The following BBS1 variants were observed in gnomAD, a reference collection of about 807,000 sequenced individuals.
The protein encoded by BBS1 is BBSome complex member BBS1.
In BBS1, 60 loss-of-function variants were observed where a neutral mutation model predicts 73.9. That is an observed-to-expected ratio of 0.81 (90% confidence interval 0.66 to 1.01). BBS1 has a LOEUF of 1.01. Among genes scored for constraint, BBS1 ranks in the 50% least tolerant of loss-of-function variants. The probability of loss-of-function intolerance (pLI) is 0.00; values close to 1 mark genes in which losing one functional copy is unlikely to be tolerated. For missense variants in BBS1, 718 were observed against 770.3 expected (o/e 0.93, Z 0.80); for synonymous variants, 283 against 317.4 (o/e 0.89, Z 1.15).
At position 66,515,896 on chromosome 11, in the gene BBS1, T is replaced by C. The variant is rs148207682; in HGVS notation, c.554T>C (p.Phe185Ser). 2 of 1,614,184 alleles carry C rather than the reference T, an allele frequency of 1.2e-6. No individual in the cohort carries two copies. The highest frequency in any genetic ancestry group is 1.7e-6 in the Non-Finnish European group (2 of 1,180,044). ...CTGGAGCTAAGTGAAATGGAGGCAT[T>C]TGTAAACCAACACAAGTCCAACTCC... ...LQLELSEMEA[F>S]VNQHKSNSIK... Residue 185 changes from phenylalanine to serine, a missense_variant, in exon 7 of 17, where the codon TTT becomes TCT. Physicochemically the swap from Phe to Ser is radical, Grantham distance 155 (BLOSUM62 -2). Coordinates refer to ENST00000318312, the MANE Select transcript of BBS1 (RefSeq NM_024649.5).
chr11:66,526,605 A>G (rs756782880), intron 12 of BBS1, 44 bp from the exon 13 acceptor site: 1 of 1,613,222 alleles, frequency 6.2e-7, no homozygotes, highest in Non-Finnish European at 8.5e-7. Flanking sequence ...GAATGTGGGT[A>G]GAACTGGGGA....
intron 8 of BBS1, 95 bp downstream of exon 8, chr11:66,519,843 T>C: frequency 6.6e-7 from 1 of 1,509,658 alleles, no homozygotes; most frequent in Non-Finnish European, 9.0e-7. Context: ...ATATGTTCCT[T>C]GTAGAAAAAT....
intron 9 of BBS1, chr11:66,521,633 C>A: frequency 2.1e-6 from 1 of 469,550 alleles, no homozygotes; most frequent in Non-Finnish European, 3.9e-6. Flanking sequence ...AGGCTGGGCG[C>A]TGTGGCTCAC....
At position 66,511,035 on chromosome 11, in the gene BBS1, T is replaced by C. The variant is rs747891096; in HGVS notation, c.70T>C (p.Leu24=). The change falls in exon 2 of 17, where the codon TTG becomes CTG. Residue 24 remains leucine (L), a synonymous_variant. Transcript: ENST00000318312. ...AESNEANSKW[L]DAHYDPMANI... Reference sequence around the variant, plus strand: ...CAGCAATGAGGCCAATTCGAAGTGGTTGGATGCGCACTACGACCCAATGGC... The same window carrying C: ...CAGCAATGAGGCCAATTCGAAGTGGCTGGATGCGCACTACGACCCAATGGC... The C allele has an allele frequency of 3.1e-6, 5 of 1,614,004 alleles. No homozygotes were observed. The highest frequency in any genetic ancestry group is 4.2e-6 in the Non-Finnish European group (5 of 1,180,034).
chr11:66,529,874 C>T lies in BBS1; in HGVS notation c.1395C>T (p.Arg465=), dbSNP rs756550025. The change falls in exon 14 of 17, where the codon CGC becomes CGT. Residue 465 remains arginine, a synonymous_variant. Coordinates refer to ENST00000318312, the MANE Select transcript of BBS1 (RefSeq NM_024649.5). ...ACCTGCTGCGCCTACGTGCTGCCCGCGCCTACCTGCAGGCCCTCGAGTCCA... is the reference window on the plus strand; with the variant it reads ...ACCTGCTGCGCCTACGTGCTGCCCGTGCCTACCTGCAGGCCCTCGAGTCCA... The part of the protein sequence containing the change: ...DLYLLRLRAA[R]AYLQALESSL... 1.1e-5 allele frequency: 18 copies of T among 1,610,038 alleles called. No individual in the cohort carries two copies. Among genetic ancestry groups the T allele is most frequent in the Admixed American group, 6.7e-5 (4 of 60,000 alleles).
intron 9 of BBS1, chr11:66,523,112 C>T: frequency 2.1e-6 from 1 of 482,016 alleles, no homozygotes; most frequent in Non-Finnish European, 4.1e-6. Flanking sequence ...GTGCCTAAGT[C>T]CACTTGTCCT....
intron 3 of BBS1, 83 bp from the exon 4 acceptor site, chr11:66,514,323 G>A: frequency 1.3e-6 from 2 of 1,537,584 alleles, no homozygotes; most frequent in Non-Finnish European, 8.9e-7. Context: ...ATGAATGAAT[G>A]TGCACCAGCA....
chr11:66,515,663 C>T lies in BBS1; in HGVS notation c.480-30C>T, dbSNP rs761064867. ...AGCCCCAGGGCCCCATTCTTCCATTCGGCTGCCATGCTGGCCCCTTTCCTT... is the reference window on the plus strand; with the variant it reads ...AGCCCCAGGGCCCCATTCTTCCATTTGGCTGCCATGCTGGCCCCTTTCCTT... On this transcript the variant is annotated intron_variant, in intron 5 of 16. Coordinates refer to ENST00000318312, the MANE Select transcript of BBS1 (RefSeq NM_024649.5). The T allele has an allele frequency of 9.9e-6, 16 of 1,614,214 alleles. No individual in the cohort carries two copies. The Admixed American group carries it at 1.7e-4, about 17-fold the overall frequency.
chr11:66,521,754 A>C, intron 9 of BBS1: 1 of 308,088 alleles, frequency 3.2e-6, no homozygotes, highest in South Asian at 3.0e-5. Context: ...AAAAATACAA[A>C]ATTAGCTGGG....
At chr11:66,513,498 C>T (rs1366307354) in intron 3 of BBS1, among the ~76,000 whole-genome samples, 1 of 152,040 alleles carries the variant, frequency 6.6e-6, no homozygotes, top group Non-Finnish European at 1.5e-5. Context: ...AGAAATGAGG[C>T]TAATAATGGT....
intron 3 of BBS1, among the ~76,000 whole-genome samples, chr11:66,513,787 C>T (rs1216107204): frequency 1.3e-5 from 2 of 152,176 alleles, no homozygotes; most frequent in Non-Finnish European, 2.9e-5. Flanking sequence ...CTTGGGTACC[C>T]CCTTTCTGGC....
At chr11:66,519,784 C>T (rs760846895) in intron 8 of BBS1, 36 bp downstream of exon 8, 8 of 1,610,008 alleles carry the variant, frequency 5.0e-6, no homozygotes, top group East Asian at 4.5e-5. Context: ...CCGCTGGAGG[C>T]CCAGGCTGCA....
chr11:66,524,293 A>C, intron 11 of BBS1: 1 of 331,082 alleles, frequency 3.0e-6, no homozygotes, highest in South Asian at 2.5e-5. Context: ...AAAAAAAAAA[A>C]TGTGTTGAGC....
At chr11:66,516,122 CTTTT>C (rs35735110) in intron 7 of BBS1, among the ~76,000 whole-genome samples, 189 bp downstream of exon 7, 1 of 99,354 alleles carries the variant, frequency 1.0e-5, no homozygotes, top group South Asian at 3.4e-4. Flanking sequence ...GTAGTGACAG[CTTTT>C]TTTTTTTTTT....
Position 66,532,120 on chromosome 11 carries a change from C to T in BBS1, c.*83C>T, listed in dbSNP as rs1856811960. ...AGTGGCCCCAGGCCCACTCCTCATG[C>T]AGCAGTGTGCTGGGGCGACAGCTCG... On this transcript the variant is annotated 3_prime_UTR_variant, in exon 17 of 17. Coordinates refer to ENST00000318312, the MANE Select transcript of BBS1 (RefSeq NM_024649.5). The T allele has an allele frequency of 7.1e-7, 1 of 1,402,518 alleles. No homozygotes were observed. Among genetic ancestry groups the T allele is most frequent in the Non-Finnish European group, 9.8e-7 (1 of 1,024,270 alleles). The allele number at this position is 1,402,518 out of a possible 1,614,324, so 86.9% of individuals were successfully genotyped here.
intron 3 of BBS1, among the ~76,000 whole-genome samples, chr11:66,511,575 C>T (rs1438948176): frequency 2.6e-5 from 4 of 151,792 alleles, no homozygotes; most frequent in Non-Finnish European, 5.9e-5. Context: ...GGGAAGTGAA[C>T]GTTTGATGTT....
chr11:66,526,524 T>C, intron 12 of BBS1, 125 bp from the exon 13 acceptor site: 1 of 1,196,210 alleles, frequency 8.4e-7, no homozygotes, highest in Non-Finnish European at 1.2e-6. Flanking sequence ...CCAGAAACAG[T>C]CTCGTCTGGA....
chr11:66,529,223 G>C (rs1220103164), intron 13 of BBS1: 42 of 1,489,388 alleles, frequency 2.8e-5, no homozygotes, highest in Non-Finnish European at 3.4e-5. Flanking sequence ...GGTGGCTTGG[G>C]GAAGAGTCAT....
chr11:66,529,657 GAAGGCTGGGCTCTTTCC>G (rs985024193), intron 13 of BBS1, among the ~76,000 whole-genome samples, 145 bp from the exon 14 acceptor site: 1 of 151,936 alleles, frequency 6.6e-6, no homozygotes, highest in Admixed American at 6.6e-5. Context: ...AGTTTTGCCA[GAAGGCTGGGCTCTTTCC>G]CTCCTCCCCA....
Sources: gnomAD v4.1 joint callset for allele counts (sites outside exome capture counted in the v4.1 genomes callset) on GRCh38, gnomAD v4.1.1 for gene constraint, MANE v1.5 for transcripts, NCBI Gene and HGNC (gene_info 2026-07-23, HGNC 2026-07-21) for gene names.